C10orf90: variants seen among roughly 807,000 people sequenced by gnomAD.
The protein encoded by C10orf90 is chromosome 10 open reading frame 90.
C10orf90 carries 56 observed loss-of-function variants against 62.5 expected under a neutral mutation model. The ratio of observed to expected loss-of-function variants is 0.90; its 90% CI spans 0.72 to 1.12. The LOEUF (loss-of-function observed/expected upper bound fraction) is 1.12. Among genes scored for constraint, C10orf90 ranks in the 50% most tolerant of loss-of-function variants. The probability of loss-of-function intolerance (pLI) is 0.00; values close to 1 mark genes in which losing one functional copy is unlikely to be tolerated. For synonymous variants in C10orf90, 386 were observed against 340.4 expected (o/e 1.13, Z -1.47); for missense variants, 970 against 880.4 (o/e 1.10, Z -1.29).
At position 126,513,868 on chromosome 10, in the gene C10orf90, C is replaced by A; in HGVS notation, c.385G>T (p.Ala129Ser). ...GTTACCTTGGTGAAGTCAGATTTTG[C>A]CTCTGTGACATCAGACTGGAGATTT... Reference protein sequence around the residue: ...LKNLQSDVTEAKSDFTKETLA... With the variant: ...LKNLQSDVTESKSDFTKETLA... Residue 129 changes from alanine to serine, a missense_variant, in exon 3 of 10, where the codon GCA (alanine) becomes TCA (serine). Ala to Ser is a moderately conservative substitution (Grantham distance 99, BLOSUM62 1). Coordinates refer to ENST00000488181, the MANE Select transcript of C10orf90 (RefSeq NM_001350921.2). The A allele has an allele frequency of 6.2e-7, 1 of 1,611,746 alleles. No homozygotes were observed. Among genetic ancestry groups the A allele is most frequent in the East Asian group, 2.2e-5 (1 of 44,798 alleles).
chr10:126,450,862 G>A (rs1367320132), intron 7 of C10orf90, among the ~76,000 whole-genome samples: 1 of 152,102 alleles, frequency 6.6e-6, no homozygotes, highest in Non-Finnish European at 1.5e-5. Flanking sequence ...ACGCTATACA[G>A]CTTCTACACA....
chr10:126,548,972 A>G (rs1864568115), intron 2 of C10orf90, among the ~76,000 whole-genome samples: 1 of 152,180 alleles, frequency 6.6e-6, no homozygotes, highest in Non-Finnish European at 1.5e-5. Context: ...AAAGGCCAAA[A>G]AATAATCCTT....
In C10orf90 at chr10:126,588,175, G is replaced by A. The variant is rs115921832; in HGVS notation, c.313+58390C>T. 5.1e-3 allele frequency among the ~76,000 whole-genome samples: 774 copies of A among 152,278 alleles called. 7 individuals are homozygous for A. Among genetic ancestry groups the A allele is most frequent in the African/African-American group, 0.017 (704 of 41,580 alleles). ...CCTGCCGGCTCTGGGGAGTCCAGGC[G>A]GTCGGAACCAGAACTCTGATCTCTC... On this transcript the variant is annotated intron_variant, in intron 2 of 9. Coordinates refer to ENST00000488181, the MANE Select transcript of C10orf90 (RefSeq NM_001350921.2).
chr10:126,540,183 T>A (rs954720527), intron 2 of C10orf90, among the ~76,000 whole-genome samples: 1 of 152,154 alleles, frequency 6.6e-6, no homozygotes, highest in Non-Finnish European at 1.5e-5. Context: ...ATCAAAAGTA[T>A]CATAAAATTA....
At chr10:126,542,039 C>T (rs372258654) in intron 2 of C10orf90, among the ~76,000 whole-genome samples, 1 of 152,184 alleles carries the variant, frequency 6.6e-6, no homozygotes, top group East Asian at 1.9e-4. Context: ...ACCTTGAAAA[C>T]ATGCCACACG....
chr10:126,531,367 G>A (rs1352518273), intron 2 of C10orf90, among the ~76,000 whole-genome samples: 2 of 152,116 alleles, frequency 1.3e-5, no homozygotes, highest in African/African-American at 4.8e-5. Context: ...AATCAGGGGT[G>A]CTGCGAAACC....
chr10:126,583,133 G>A (rs1313091996), intron 2 of C10orf90, among the ~76,000 whole-genome samples: 1 of 152,182 alleles, frequency 6.6e-6, no homozygotes, highest in Non-Finnish European at 1.5e-5. Flanking sequence ...TTTGTCACAT[G>A]TGCCTGGGGG....
chr10:126,553,923 G>A (rs904526885), intron 2 of C10orf90, among the ~76,000 whole-genome samples: 8 of 152,094 alleles, frequency 5.3e-5, no homozygotes, highest in Non-Finnish European at 7.4e-5. Context: ...AAGCTAAGGC[G>A]ATACAGCCAC....
intron 3 of C10orf90, among the ~76,000 whole-genome samples, chr10:126,508,773 G>A (rs1402069242): frequency 6.6e-6 from 1 of 152,188 alleles, no homozygotes; most frequent in Non-Finnish European, 1.5e-5. Flanking sequence ...GTGGTTCTCG[G>A]GCGGGGGCCT....
chr10:126,642,639 C>T (rs1846088959), intron 2 of C10orf90, among the ~76,000 whole-genome samples: 1 of 152,188 alleles, frequency 6.6e-6, no homozygotes, highest in Non-Finnish European at 1.5e-5. Flanking sequence ...CCATCCTCTT[C>T]CCAACTCATA....
chr10:126,478,916 CG>C (rs1319591872), intron 4 of C10orf90, among the ~76,000 whole-genome samples: 1 of 152,072 alleles, frequency 6.6e-6, no homozygotes, highest in African/African-American at 2.4e-5. Context: ...AGGAATGAAG[CG>C]GGGGTGACAT....
At chr10:126,659,081 C>T (rs1257403955) in intron 1 of C10orf90, among the ~76,000 whole-genome samples, 1 of 152,202 alleles carries the variant, frequency 6.6e-6, no homozygotes, top group Non-Finnish European at 1.5e-5. Flanking sequence ...AGCTTTCCTA[C>T]TTCCAATCAG....
intron 2 of C10orf90, among the ~76,000 whole-genome samples, chr10:126,545,980 G>A (rs978465698): frequency 1.3e-5 from 2 of 152,094 alleles, no homozygotes; most frequent in African/African-American, 4.8e-5. Flanking sequence ...AGAAAGACTA[G>A]CTATGGACCT....
In C10orf90 at chr10:126,636,796, A is replaced by T. The variant is rs531746984; in HGVS notation, c.313+9769T>A. On this transcript the variant is annotated intron_variant, in intron 2 of 9. Transcript: ENST00000488181. ...CTGAGCAAAAGCCACTAAAAAAAAT[A>T]AAAATAACACTTTAGCTCATAACCA... Among the ~76,000 whole-genome samples, 232 of 152,350 alleles carry T rather than the reference A, an allele frequency of 1.5e-3. 2 individuals carry two copies. Among genetic ancestry groups the T allele is most frequent in the Non-Finnish European group, 2.6e-3 (175 of 68,036 alleles).
chr10:126,452,875 T>C (rs1433839338), intron 7 of C10orf90, among the ~76,000 whole-genome samples: 2 of 152,208 alleles, frequency 1.3e-5, no homozygotes, highest in Non-Finnish European at 2.9e-5. Context: ...CTCTTGTGAG[T>C]AATATCAGGA....
chr10:126,580,480 C>T (rs975980994), intron 2 of C10orf90, among the ~76,000 whole-genome samples: 2 of 152,014 alleles, frequency 1.3e-5, no homozygotes, highest in African/African-American at 2.4e-5. Flanking sequence ...GGTGAAAACC[C>T]GTCTTTACTA....
At chr10:126,579,062 G>GTT (rs148861193) in intron 2 of C10orf90, among the ~76,000 whole-genome samples, 3 of 143,410 alleles carry the variant, frequency 2.1e-5, no homozygotes, top group Admixed American at 6.9e-5. Context: ...TCAATTAAAA[G>GTT]TTTTTTTTTA....
At chr10:126,527,992 A>T (rs778161601) in intron 2 of C10orf90, among the ~76,000 whole-genome samples, 1 of 152,218 alleles carries the variant, frequency 6.6e-6, no homozygotes, top group Non-Finnish European at 1.5e-5. Context: ...TTTACCCTTG[A>T]TTGCAAAATA....
chr10:126,547,195 G>A (rs1450939697), intron 2 of C10orf90, among the ~76,000 whole-genome samples: 15 of 152,038 alleles, frequency 9.9e-5, no homozygotes, highest in African/African-American at 3.1e-4. Context: ...CGAGGCGGGC[G>A]GATCAGGAGG....
Sources: allele counts gnomAD v4.1 joint callset (sites outside exome capture counted in the v4.1 genomes callset), GRCh38; gene constraint gnomAD v4.1.1; transcripts MANE v1.5; gene names NCBI Gene and HGNC (gene_info 2026-07-23, HGNC 2026-07-21).